VNN1: variants seen among roughly 807,000 people sequenced by gnomAD.
The protein encoded by VNN1 is pantetheinase.
Under a neutral mutation model 41.9 loss-of-function variants are expected in VNN1, and 29 were observed. The ratio of observed to expected loss-of-function variants is 0.69; its 90% CI spans 0.52 to 0.94. The LOEUF is 0.94. Among genes scored for constraint, VNN1 ranks in the 40% least tolerant of loss-of-function variants. The pLI, the probability that VNN1 is intolerant of heterozygous loss-of-function variation, is 0.00. For synonymous variants in VNN1, 233 were observed against 224.4 expected, an observed-to-expected ratio of 1.04 and a Z score of -0.34; for missense variants, 637 against 621.1, an observed-to-expected ratio of 1.03 and a Z score of -0.27.
chr6:132,700,085 A>T (rs1778429429), intron 2 of VNN1, among the ~76,000 whole-genome samples: 1 of 152,216 alleles, frequency 6.6e-6, no homozygotes, highest in South Asian at 2.1e-4. Flanking sequence ...ATATGTGAAC[A>T]AATTTGAAAC....
intron 5 of VNN1, among the ~76,000 whole-genome samples, chr6:132,689,270 A>AACACACACACAC (rs58998291): frequency 5.3e-5 from 8 of 151,410 alleles, no homozygotes; most frequent in African/African-American, 1.9e-4. Context: ...TTTGTTGAGA[A>AACACACACACAC]ACACACACAC....
intron 2 of VNN1, among the ~76,000 whole-genome samples, chr6:132,694,461 G>A (rs45568334): frequency 0.045 from 6,919 of 152,152 alleles, 353 homozygotes; most frequent in South Asian, 0.14. Context: ...TTTCACTTAC[G>A]TGTTTGTCTT....
At chr6:132,691,750 A>G (rs918576029) in intron 5 of VNN1, among the ~76,000 whole-genome samples, 19 of 152,062 alleles carry the variant, frequency 1.2e-4, no homozygotes, top group Non-Finnish European at 5.9e-5. Flanking sequence ...TAATCTCAAC[A>G]CTTTGGGAGG....
At chr6:132,711,048 T>C (rs954331788) in intron 2 of VNN1, among the ~76,000 whole-genome samples, 1 of 152,362 alleles carries the variant, frequency 6.6e-6, no homozygotes, top group East Asian at 1.9e-4. Context: ...TTCCTGACTT[T>C]TTAATGATCA....
At chr6:132,688,130 C>T (rs1778232351) in intron 5 of VNN1, among the ~76,000 whole-genome samples, 1 of 151,882 alleles carries the variant, frequency 6.6e-6, no homozygotes, top group South Asian at 2.1e-4. Flanking sequence ...TACCAAAATT[C>T]CTTATCTTCA....
intron 2 of VNN1, among the ~76,000 whole-genome samples, chr6:132,703,420 A>T (rs1047382091): frequency 6.6e-6 from 1 of 152,238 alleles, no homozygotes; most frequent in Non-Finnish European, 1.5e-5. Context: ...GGATGAAGTT[A>T]AAGTATGAAG....
At chr6:132,691,940 G>C (rs1778292267) in intron 5 of VNN1, among the ~76,000 whole-genome samples, 1 of 151,512 alleles carries the variant, frequency 6.6e-6, no homozygotes, top group Non-Finnish European at 1.5e-5. Context: ...CGAGGAGGCA[G>C]AGCTTGCAGT....
Position 132,711,977 on chromosome 6 carries a change from C to A in VNN1, c.211-138G>T, listed in dbSNP as rs992407712. ...TTTCTATATTTTTATAATTTATTTT[C>A]TTTTCCAAAGCATTTTAATTTCCTT... On this transcript the variant is annotated intron_variant, in intron 1 of 6. Coordinates refer to ENST00000367928, the MANE Select transcript of VNN1 (RefSeq NM_004666.3). The A allele has an allele frequency of 5.8e-6, 5 of 867,312 alleles. No individual in the cohort carries two copies. In the African/African-American group the frequency reaches 8.8e-5, roughly 15 times the overall value. 53.7% of individuals were successfully genotyped at this position (867,312 alleles called of 1,614,324 possible).
intron 2 of VNN1, among the ~76,000 whole-genome samples, chr6:132,705,847 C>T (rs1778510270): frequency 6.6e-6 from 1 of 152,050 alleles, no homozygotes. Flanking sequence ...CATAAAAAAT[C>T]AGTAGCATTT....
At chr6:132,699,224 A>T in intron 2 of VNN1, 1 of 322,910 alleles carries the variant, frequency 3.1e-6, no homozygotes, top group South Asian at 3.4e-5. Context: ...ATGTAAAGTG[A>T]AAGCTACTAC....
Position 132,682,055 on chromosome 6 carries a change from G to A in VNN1, c.*1085C>T, listed in dbSNP as rs1415371435. The A allele has an allele frequency of 6.6e-6, 1 of 152,202 alleles. No homozygotes were observed. Among genetic ancestry groups the A allele is most frequent in the South Asian group, 2.1e-4 (1 of 4,832 alleles). 9.4% of individuals were successfully genotyped at this position (152,202 alleles called of 1,614,324 possible). A position where few individuals can be genotyped will look rare whatever the true frequency, so the allele number is the denominator to read the frequency against. On this transcript the variant is annotated 3_prime_UTR_variant, in exon 7 of 7. Transcript: ENST00000367928. The stretch of plus-strand genomic sequence containing the variant: ...AAATGATGTTGTTTCACTGAGTTGT[G>A]TAATGTCAAGAGATTCTGCTGTTAC...
At chr6:132,706,589 G>C (rs1778522362) in intron 2 of VNN1, among the ~76,000 whole-genome samples, 1 of 152,108 alleles carries the variant, frequency 6.6e-6, no homozygotes. Context: ...CCAGGACATT[G>C]GTCTGGACAA....
intron 5 of VNN1, among the ~76,000 whole-genome samples, chr6:132,688,155 A>T (rs1284860573): frequency 1.3e-5 from 2 of 152,200 alleles, no homozygotes; most frequent in Admixed American, 6.5e-5. Context: ...AAAAATCCAA[A>T]ATCTTCTGAA....
chr6:132,692,102 A>G, intron 5 of VNN1, 121 bp downstream of exon 5: 1 of 1,170,128 alleles, frequency 8.5e-7, no homozygotes, highest in Non-Finnish European at 1.1e-6. Context: ...TTTTTAGCAT[A>G]CATAAATCCC....
At chr6:132,704,912 G>A (rs539170511) in intron 2 of VNN1, among the ~76,000 whole-genome samples, 6 of 151,926 alleles carry the variant, frequency 3.9e-5, no homozygotes, top group East Asian at 1.9e-4. Flanking sequence ...ACTACATGCC[G>A]ATAAATTGGA....
rs572389908 is a variant in VNN1, at chr6:132,681,324, C to T, written c.*1816G>A. ...TCCTAAAGAATGGAGGCCTGGCAAC[C>T]GCCGTGAGTGAGCTGAGAAGCAGAT... is the stretch of plus-strand genomic sequence containing the variant. On this transcript the variant is annotated 3_prime_UTR_variant, in exon 7 of 7. Coordinates refer to ENST00000367928, the MANE Select transcript of VNN1 (RefSeq NM_004666.3). 5.1e-4 allele frequency among the ~76,000 whole-genome samples: 77 copies of T among 152,258 alleles called. No homozygotes were observed. The highest frequency in any genetic ancestry group is 1.6e-3 in the African/African-American group (68 of 41,538).
intron 1 of VNN1, among the ~76,000 whole-genome samples, chr6:132,712,340 G>A (rs1347026742): frequency 2.0e-5 from 3 of 151,804 alleles, no homozygotes; most frequent in Non-Finnish European, 2.9e-5. Context: ...AGTAGAGATG[G>A]GGTTTCTCCA....
chr6:132,708,410 G>A (rs1268813142), intron 2 of VNN1, among the ~76,000 whole-genome samples: 2 of 152,040 alleles, frequency 1.3e-5, no homozygotes, highest in Admixed American at 1.3e-4. Context: ...CTTCTGGAAC[G>A]ATATGACATA....
intron 2 of VNN1, among the ~76,000 whole-genome samples, chr6:132,701,551 C>A (rs1157751945): frequency 6.6e-6 from 1 of 152,122 alleles, no homozygotes; most frequent in Non-Finnish European, 1.5e-5. Flanking sequence ...CTAGCCAGAG[C>A]AATCAGGCAA....
Sources: gnomAD v4.1 joint callset for allele counts (sites outside exome capture counted in the v4.1 genomes callset) on GRCh38, gnomAD v4.1.1 for gene constraint, MANE v1.5 for transcripts, NCBI Gene and HGNC (gene_info 2026-07-23, HGNC 2026-07-21) for gene names.